Variants in ROS1 observed in about 807,000 individuals in gnomAD.
ROS1 encodes ROS proto-oncogene 1, receptor tyrosine kinase.
A neutral mutation model predicts 273.5 loss-of-function variants in ROS1; 263 were observed. The ratio of observed to expected loss-of-function variants is 0.96; its 90% CI spans 0.87 to 1.06. The LOEUF is 1.06. Among genes scored for constraint, ROS1 ranks in the 50% least tolerant of loss-of-function variants. The probability of loss-of-function intolerance (pLI) is 0.00; values close to 1 mark genes in which losing one functional copy is unlikely to be tolerated. For synonymous variants in ROS1, 1,008 were observed against 954.1 expected (o/e 1.06, Z -1.04); for missense variants, 2,833 against 2,751.1 (o/e 1.03, Z -0.67).
rs545527156 is a variant in ROS1, at chr6:117,296,419, G to A, written c.6715+4555C>T. 2.6e-5 allele frequency among the ~76,000 whole-genome samples: 4 copies of A among 151,724 alleles called. No individual in the cohort carries two copies. The South Asian group carries it at 8.3e-4, about 32-fold the overall frequency. On this transcript the variant is annotated intron_variant, in intron 43 of 43. Coordinates refer to ENST00000368507, the MANE Select transcript of ROS1 (RefSeq NM_001378902.1). ...GTCTCAAAAAAAAAAATAGACAAATGGATAAAGAAAATGTGGTATATGCAT... is the reference window on the plus strand; with the variant it reads ...GTCTCAAAAAAAAAAATAGACAAATAGATAAAGAAAATGTGGTATATGCAT...
intron 43 of ROS1, among the ~76,000 whole-genome samples, chr6:117,300,304 T>C (rs1240028134): frequency 1.3e-5 from 2 of 151,616 alleles, no homozygotes; most frequent in Non-Finnish European, 1.5e-5. Context: ...TCAGACTAGA[T>C]CTTAGCAAGA....
chr6:117,356,939 C>A, intron 25 of ROS1, 24 bp from the exon 26 acceptor site: 13 of 1,582,542 alleles, frequency 8.2e-6, no homozygotes, highest in South Asian at 1.2e-5. Context: ...AAAAGTCCCC[C>A]CAACTTAATG....
chr6:117,296,793 T>A (rs1288558038), intron 43 of ROS1, among the ~76,000 whole-genome samples: 1 of 152,124 alleles, frequency 6.6e-6, no homozygotes, highest in Non-Finnish European at 1.5e-5. Context: ...CATTTTAAAA[T>A]AACTATAAGT....
intron 14 of ROS1, 58 bp downstream of exon 14, chr6:117,387,722 C>A: frequency 1.3e-6 from 2 of 1,550,114 alleles, no homozygotes; most frequent in Admixed American, 1.9e-5. Context: ...ATTTAAAGGG[C>A]ACTCAGCTAG....
At chr6:117,348,195 A>G (rs1435826279) in intron 27 of ROS1, among the ~76,000 whole-genome samples, 1 of 152,014 alleles carries the variant, frequency 6.6e-6, no homozygotes, top group Admixed American at 6.6e-5. Flanking sequence ...AGAATGCATC[A>G]TTGAATCCAT....
chr6:117,359,340 A>G (rs1398737072), intron 24 of ROS1, among the ~76,000 whole-genome samples: 1 of 152,138 alleles, frequency 6.6e-6, no homozygotes, highest in Non-Finnish European at 1.5e-5. Context: ...CATTACATGG[A>G]TTATCTCATT....
chr6:117,308,950 C>T (rs931589509), intron 41 of ROS1, 22 bp from the exon 42 acceptor site: 2 of 1,607,102 alleles, frequency 1.2e-6, no homozygotes, highest in Non-Finnish European at 1.7e-6. Context: ...AGAGGGTTTG[C>T]TTTAATTATA....
At chr6:117,400,051 G>A (rs1402564668) in intron 7 of ROS1, among the ~76,000 whole-genome samples, 1 of 152,114 alleles carries the variant, frequency 6.6e-6, no homozygotes, top group Non-Finnish European at 1.5e-5. Flanking sequence ...CCTTCCCAGT[G>A]TTATTCTCAC....
intron 32 of ROS1, among the ~76,000 whole-genome samples, chr6:117,336,317 A>G (rs1421843352): frequency 6.6e-6 from 1 of 150,936 alleles, no homozygotes; most frequent in Non-Finnish European, 1.5e-5. Flanking sequence ...AATACTCTCT[A>G]TCCCCCCACC....
chr6:117,353,189 T>A, intron 26 of ROS1, 23 bp from the exon 27 acceptor site: 1 of 1,513,742 alleles, frequency 6.6e-7, no homozygotes, highest in Non-Finnish European at 8.9e-7. Context: ...ACATAAGGAA[T>A]ATAAAGAACA....
chr6:117,335,992 T>G (rs1459953885), intron 32 of ROS1, among the ~76,000 whole-genome samples: 1 of 152,180 alleles, frequency 6.6e-6, no homozygotes, highest in Non-Finnish European at 1.5e-5. Flanking sequence ...TCAGAAATAT[T>G]CTTATATGAT....
At chr6:117,294,059 T>A (rs1774032492) in intron 43 of ROS1, among the ~76,000 whole-genome samples, 1 of 152,106 alleles carries the variant, frequency 6.6e-6, no homozygotes, top group African/African-American at 2.4e-5. Flanking sequence ...ACAAAAACCA[T>A]ATGATCATAT....
rs1286398877 is a variant in ROS1, at chr6:117,362,723, A to G, written c.3246T>C (p.Asn1082=). The part of the protein sequence containing the change: ...GVLTKFEIFY[N]ISNQSITNKT... ...TGTTTGTAATACTTTGATTGGATAT[A>G]TTGTAGAAAATTTCAAATTTTGTTA... Residue 1082 remains asparagine (N), a synonymous_variant, in exon 22 of 44, where the codon AAT becomes AAC. Transcript: ENST00000368507. The G allele has an allele frequency of 6.2e-7, 1 of 1,613,766 alleles. No homozygotes were observed.
intron 18 of ROS1, among the ~76,000 whole-genome samples, chr6:117,376,678 T>C (rs768545292): frequency 1.2e-4 from 19 of 152,038 alleles, no homozygotes; most frequent in Non-Finnish European, 2.8e-4. Flanking sequence ...TTAAAAAAAT[T>C]AGATACCTAG....
chr6:117,393,190 G>T (rs374509009), intron 12 of ROS1, 34 bp downstream of exon 12: 2 of 1,209,726 alleles, frequency 1.7e-6, no homozygotes, highest in Non-Finnish European at 2.4e-6. Flanking sequence ...ATTCCCAATG[G>T]AAGAGAATTC....
rs1020525340 is a variant in ROS1 at position 117,378,980 on chromosome 6, T to A, written c.2582+79A>T. On this transcript the variant is annotated intron_variant, in intron 18 of 43. Coordinates refer to ENST00000368507, the MANE Select transcript of ROS1 (RefSeq NM_001378902.1). ...AACCAGAAAATGTTTATTGAAGGAA[T>A]AAATGAATTTCCATGCATTATCATT... The A allele has an allele frequency of 3.5e-6, 3 of 847,694 alleles. No homozygotes were observed. In the East Asian group the frequency reaches 7.3e-5, roughly 21 times the overall value. 52.5% of individuals were successfully genotyped at this position (847,694 alleles called of 1,614,324 possible). A position where few individuals can be genotyped will look rare whatever the true frequency, so the allele number is the denominator to read the frequency against.
At position 117,288,385 on chromosome 6, in the gene ROS1, T is replaced by C. The variant is rs1562238012; in HGVS notation, c.*107A>G. Reference sequence around the variant, plus strand: ...GAAATCAGGAACGTTGCATTGTTTATTTGGAGTTATAGACCACCATGACAT... The same window carrying C: ...GAAATCAGGAACGTTGCATTGTTTACTTGGAGTTATAGACCACCATGACAT... On this transcript the variant is annotated 3_prime_UTR_variant, in exon 44 of 44. Transcript: ENST00000368507. The C allele has an allele frequency of 9.6e-7, 1 of 1,043,108 alleles. No homozygotes were observed. Among genetic ancestry groups the C allele is most frequent in the African/African-American group, 1.6e-5 (1 of 62,524 alleles). 64.6% of individuals were successfully genotyped at this position (1,043,108 alleles called of 1,614,324 possible).
In ROS1 at chr6:117,377,018, C is replaced by G. The variant is rs559296847; in HGVS notation, c.2582+2041G>C. On this transcript the variant is annotated intron_variant, in intron 18 of 43. Coordinates refer to ENST00000368507, the MANE Select transcript of ROS1 (RefSeq NM_001378902.1). ...AGTTTTTCTCTGAATTTACAGTTAT[C>G]AAGACAATGTAGTACTGGCAAAAAG... 5.3e-4 allele frequency among the ~76,000 whole-genome samples: 80 copies of G among 152,224 alleles called. No individual in the cohort carries two copies. The Middle Eastern group carries it at 0.031, about 58-fold the overall frequency.
In ROS1 at chr6:117,412,605, C is replaced by CAGATAGATAGAT. The variant is rs3836982; in HGVS notation, c.255+1902_255+1913dup. Among the ~76,000 whole-genome samples the CAGATAGATAGAT allele has an allele frequency of 3.6e-3, 549 of 151,258 alleles. 1 individual carries two copies. Among genetic ancestry groups the CAGATAGATAGAT allele is most frequent in the African/African-American group, 0.011 (448 of 41,058 alleles). On this transcript the variant is annotated intron_variant, in intron 4 of 43. Transcript: ENST00000368507. ...ATAGATAGGTACATAGATAGATAGA[C>CAGATAGATAGAT]AGATAGATAGATAGATAGATAGATA...
Sources: gnomAD v4.1 joint callset for allele counts (sites outside exome capture counted in the v4.1 genomes callset) on GRCh38, gnomAD v4.1.1 for gene constraint, MANE v1.5 for transcripts, NCBI Gene and HGNC (gene_info 2026-07-23, HGNC 2026-07-21) for gene names.